Variants in SLC13A1 observed in about 807,000 individuals in gnomAD.
The protein encoded by SLC13A1 is solute carrier family 13 member 1.
A neutral mutation model predicts 70.0 loss-of-function variants in SLC13A1; 65 were observed. The observed-to-expected ratio is 0.93, with a 90% CI of 0.76 to 1.14. The LOEUF (loss-of-function observed/expected upper bound fraction) is 1.14. SLC13A1 is among the 50% of genes most tolerant of loss of function. SLC13A1 has a pLI of 0.00. For missense variants in SLC13A1, 726 were observed against 717.8 expected (o/e 1.01, Z -0.13); for synonymous variants, 275 against 250.5 (o/e 1.10, Z -0.92).
intron 8 of SLC13A1, among the ~76,000 whole-genome samples, chr7:123,133,162 T>A (rs1331126384): frequency 6.6e-6 from 1 of 152,192 alleles, no homozygotes; most frequent in African/African-American, 2.4e-5. Flanking sequence ...TTGAAGACAC[T>A]GAGACTGAGA....
chr7:123,193,903 C>T (rs949500972), intron 1 of SLC13A1, among the ~76,000 whole-genome samples: 14 of 152,094 alleles, frequency 9.2e-5, no homozygotes, highest in African/African-American at 2.7e-4. Flanking sequence ...GTCCTTTCAT[C>T]ATTATTTTCA....
intron 6 of SLC13A1, among the ~76,000 whole-genome samples, chr7:123,152,781 A>G (rs1009222712): frequency 6.6e-6 from 1 of 152,136 alleles, no homozygotes; most frequent in African/African-American, 2.4e-5. Context: ...TTATACATAG[A>G]AATCATTTGT....
intron 3 of SLC13A1, among the ~76,000 whole-genome samples, 191 bp downstream of exon 3, chr7:123,171,577 A>G (rs1795272612): frequency 6.6e-6 from 1 of 152,180 alleles, no homozygotes. Flanking sequence ...CCTGCAGTGA[A>G]AGTTGTTTTT....
At chr7:123,162,124 A>T (rs1053352040) in intron 6 of SLC13A1, among the ~76,000 whole-genome samples, 2 of 151,792 alleles carry the variant, frequency 1.3e-5, no homozygotes, top group Non-Finnish European at 2.9e-5. Context: ...TAAGCTATGT[A>T]GTGTGGGGGG....
At chr7:123,125,844 G>A (rs571654711) in intron 10 of SLC13A1, among the ~76,000 whole-genome samples, 169 bp from the exon 11 acceptor site, 1 of 152,234 alleles carries the variant, frequency 6.6e-6, no homozygotes, top group South Asian at 2.1e-4. Context: ...CCGATTAAAT[G>A]ACACAACACT....
intron 7 of SLC13A1, among the ~76,000 whole-genome samples, chr7:123,146,672 T>C (rs1256073255): frequency 6.6e-6 from 1 of 152,200 alleles, no homozygotes; most frequent in Non-Finnish European, 1.5e-5. Flanking sequence ...ATATATCTGT[T>C]TGTAGAATAC....
At chr7:123,132,435 G>A (rs185776876) in intron 8 of SLC13A1, among the ~76,000 whole-genome samples, 48 of 152,096 alleles carry the variant, frequency 3.2e-4, no homozygotes, top group Admixed American at 1.7e-3. Context: ...GCAATGGTGC[G>A]ATCTCGGCTC....
intron 6 of SLC13A1, among the ~76,000 whole-genome samples, chr7:123,165,596 A>G (rs1329336772): frequency 6.6e-6 from 1 of 152,150 alleles, no homozygotes; most frequent in Non-Finnish European, 1.5e-5. Flanking sequence ...AGGTTGTCCC[A>G]AAGGCAGAAC....
At chr7:123,157,401 A>G (rs1794747450) in intron 6 of SLC13A1, among the ~76,000 whole-genome samples, 1 of 152,162 alleles carries the variant, frequency 6.6e-6, no homozygotes, top group Non-Finnish European at 1.5e-5. Context: ...TGTGATGAAT[A>G]AAGAGATGTT....
At chr7:123,141,313 C>T (rs1794132036) in intron 7 of SLC13A1, among the ~76,000 whole-genome samples, 1 of 152,080 alleles carries the variant, frequency 6.6e-6, no homozygotes, top group African/African-American at 2.4e-5. Flanking sequence ...TTTTAAGACT[C>T]CTTTTGTGAC....
chr7:123,149,450 A>G (rs750407101), intron 6 of SLC13A1: 1 of 456,408 alleles, frequency 2.2e-6, no homozygotes, highest in Non-Finnish European at 4.4e-6. Flanking sequence ...TCACCTTGTT[A>G]AGTAGGAGAC....
At position 123,129,427 on chromosome 7, in the gene SLC13A1, A is replaced by G; in HGVS notation, c.987T>C (p.Cys329=). 1.2e-6 allele frequency: 2 copies of G among 1,610,478 alleles called. No individual in the cohort carries two copies. Among genetic ancestry groups the G allele is most frequent in the Non-Finnish European group, 1.7e-6 (2 of 1,178,784 alleles). Reference sequence around the variant, plus strand: ...GGTATTCTTGCTTAATCACCTCAGCACAAGCTTTTTGTTGGACTGTTTTGG... The same window carrying G: ...GGTATTCTTGCTTAATCACCTCAGCGCAAGCTTTTTGTTGGACTGTTTTGG... ...GKTKTVQQKA[C]AEVIKQEYQK... The change falls in exon 9 of 15, where the codon TGT becomes TGC. Residue 329 remains cysteine (C), a synonymous_variant. Coordinates refer to ENST00000194130, the MANE Select transcript of SLC13A1 (RefSeq NM_022444.4).
intron 14 of SLC13A1, among the ~76,000 whole-genome samples, chr7:123,116,642 T>C (rs920286725): frequency 1.3e-5 from 2 of 152,206 alleles, no homozygotes; most frequent in African/African-American, 4.8e-5. Context: ...ACTTATATTC[T>C]ATTATGCACG....
chr7:123,153,161 C>CA (rs1361452023), intron 6 of SLC13A1, among the ~76,000 whole-genome samples: 3 of 151,812 alleles, frequency 2.0e-5, no homozygotes, highest in Non-Finnish European at 4.4e-5. Flanking sequence ...TGATATAAAA[C>CA]AAAAAAATCA....
chr7:123,173,842 T>G (rs986943830), intron 2 of SLC13A1, among the ~76,000 whole-genome samples: 32 of 152,112 alleles, frequency 2.1e-4, no homozygotes, highest in African/African-American at 7.2e-4. Context: ...CTATGGTCTC[T>G]GAGCTCTTAT....
At chr7:123,116,964 G>A (rs930328431) in intron 14 of SLC13A1, among the ~76,000 whole-genome samples, 3 of 152,138 alleles carry the variant, frequency 2.0e-5, no homozygotes, top group Admixed American at 6.6e-5. Flanking sequence ...CTTACTTATT[G>A]TTTGCTTGTG....
At chr7:123,130,173 C>T (rs1007457873) in intron 8 of SLC13A1, among the ~76,000 whole-genome samples, 4 of 152,194 alleles carry the variant, frequency 2.6e-5, no homozygotes, top group African/African-American at 9.6e-5. Context: ...GTAAAATAAA[C>T]TCACCATAAA....
intron 13 of SLC13A1, among the ~76,000 whole-genome samples, chr7:123,118,519 T>C (rs919252457): frequency 6.6e-6 from 1 of 152,118 alleles, no homozygotes; most frequent in African/African-American, 2.4e-5. Flanking sequence ...AATTGCTACC[T>C]AGATTGAGAA....
rs145823767 is a variant in SLC13A1 at position 123,183,338 on chromosome 7, T to G, written c.100-2237A>C. On this transcript the variant is annotated intron_variant, in intron 1 of 14. Coordinates refer to ENST00000194130, the MANE Select transcript of SLC13A1 (RefSeq NM_022444.4). Reference sequence around the variant, plus strand: ...GAATTCCTGCCTTCTCTTAACAAACTGAGATATTTGGTAACACTGGGATCA... The same window carrying G: ...GAATTCCTGCCTTCTCTTAACAAACGGAGATATTTGGTAACACTGGGATCA... 3.8e-3 allele frequency among the ~76,000 whole-genome samples: 582 copies of G among 152,152 alleles called. 4 individuals are homozygous for G. The highest frequency in any genetic ancestry group is 0.013 in the African/African-American group (550 of 41,448).
Sources: gnomAD v4.1 joint callset for allele counts (sites outside exome capture counted in the v4.1 genomes callset) on GRCh38, gnomAD v4.1.1 for gene constraint, MANE v1.5 for transcripts, NCBI Gene and HGNC (gene_info 2026-07-23, HGNC 2026-07-21) for gene names.